The following NELL1 variants were observed in gnomAD, a reference collection of about 807,000 sequenced individuals.
NELL1 encodes protein kinase C-binding protein NELL1.
A neutral mutation model predicts 107.4 loss-of-function variants in NELL1; 76 were observed. That is an observed-to-expected ratio of 0.71 (90% CI 0.59 to 0.86). The LOEUF is 0.86. Ranked by LOEUF, NELL1 falls within the 40% of genes least tolerant of loss-of-function variation. The probability of loss-of-function intolerance (pLI) is 0.00; values close to 1 mark genes in which losing one functional copy is unlikely to be tolerated. For missense variants in NELL1, 1,024 were observed against 1,005.5 expected, an observed-to-expected ratio of 1.02 and a Z score of -0.25; for synonymous variants, 353 against 341.2, an observed-to-expected ratio of 1.03 and a Z score of -0.38.
At chr11:21,376,080 T>C (rs549886936) in intron 15 of NELL1, among the ~76,000 whole-genome samples, 1 of 152,188 alleles carries the variant, frequency 6.6e-6, no homozygotes, top group Admixed American at 6.6e-5. Flanking sequence ...TTTTTGTTTT[T>C]GTTGCAATTG....
chr11:21,405,328 G>A (rs1261133328), intron 15 of NELL1, among the ~76,000 whole-genome samples: 1 of 151,974 alleles, frequency 6.6e-6, no homozygotes. Context: ...GAATATAAGA[G>A]TATTTTGGCT....
At chr11:20,740,977 A>G (rs1416479007) in intron 2 of NELL1, among the ~76,000 whole-genome samples, 2 of 151,848 alleles carry the variant, frequency 1.3e-5, no homozygotes, top group African/African-American at 4.8e-5. Flanking sequence ...CTTTCTGCAG[A>G]TTTAACTTTT....
intron 11 of NELL1, among the ~76,000 whole-genome samples, chr11:20,959,124 T>C (rs976912319): frequency 5.3e-5 from 8 of 152,282 alleles, no homozygotes; most frequent in Admixed American, 2.6e-4. Flanking sequence ...GGCATTCACA[T>C]GGATGAATAG....
At chr11:20,927,161 A>C (rs1408533313) in intron 7 of NELL1, 147 bp from the exon 8 acceptor site, 2 of 682,250 alleles carry the variant, frequency 2.9e-6, no homozygotes, top group Non-Finnish European at 4.7e-6. Flanking sequence ...AATAAAAAAA[A>C]CAAAAAACAG....
At chr11:20,933,428 G>A (rs964491761) in intron 9 of NELL1, among the ~76,000 whole-genome samples, 3 of 152,158 alleles carry the variant, frequency 2.0e-5, no homozygotes, top group Non-Finnish European at 4.4e-5. Flanking sequence ...AGCAGTATGG[G>A]GAGCAATACA....
At chr11:21,398,915 C>T (rs1271328306) in intron 15 of NELL1, among the ~76,000 whole-genome samples, 1 of 151,658 alleles carries the variant, frequency 6.6e-6, no homozygotes, top group Non-Finnish European at 1.5e-5. Context: ...TTTCATAGAA[C>T]TAATTGAAAC....
chr11:21,456,209 G>A (rs907927049), intron 15 of NELL1, among the ~76,000 whole-genome samples: 1 of 151,764 alleles, frequency 6.6e-6, no homozygotes. Flanking sequence ...CTTTTGCTTG[G>A]GACTCAAATT....
At chr11:21,209,942 C>G (rs962650872) in intron 13 of NELL1, among the ~76,000 whole-genome samples, 2 of 152,118 alleles carry the variant, frequency 1.3e-5, no homozygotes, top group Admixed American at 6.6e-5. Context: ...TGCTTCTATA[C>G]ATATGCTTAT....
chr11:21,003,258 G>A lies in NELL1; in HGVS notation c.1300+42698G>A, dbSNP rs201693298. On this transcript the variant is annotated intron_variant, in intron 12 of 19. Transcript: ENST00000357134. ...TATAACTTCTTTTCTGAAAAAATGT[G>A]TTGTTTTTCCCATTTAGCTTAATGA... Among the ~76,000 whole-genome samples, 267 of 152,188 alleles carry A rather than the reference G, an allele frequency of 1.8e-3. 1 individual carries two copies. The highest frequency in any genetic ancestry group is 6.2e-3 in the African/African-American group (258 of 41,544).
At chr11:20,809,965 T>A (rs910919337) in intron 3 of NELL1, among the ~76,000 whole-genome samples, 8 of 152,216 alleles carry the variant, frequency 5.3e-5, no homozygotes, top group Non-Finnish European at 1.2e-4. Context: ...GCTGTACTAA[T>A]TTGCATTCCC....
chr11:20,885,647 G>A, intron 5 of NELL1, 107 bp downstream of exon 5: 3 of 705,070 alleles, frequency 4.3e-6, no homozygotes, highest in Non-Finnish European at 7.6e-6. Context: ...GAAGGGCATG[G>A]CATAATAGCT....
intron 12 of NELL1, among the ~76,000 whole-genome samples, chr11:20,978,319 C>G (rs1418732082): frequency 6.6e-6 from 1 of 152,122 alleles, no homozygotes; most frequent in Non-Finnish European, 1.5e-5. Flanking sequence ...CTAGGTATTA[C>G]TATTATTCCC....
intron 11 of NELL1, among the ~76,000 whole-genome samples, chr11:20,956,980 A>G (rs1385879388): frequency 1.3e-5 from 2 of 151,852 alleles, no homozygotes; most frequent in East Asian, 3.9e-4. Flanking sequence ...TGGAGATGGC[A>G]GTAAGGGGGA....
intron 13 of NELL1, among the ~76,000 whole-genome samples, chr11:21,187,489 G>A (rs955998570): frequency 6.6e-6 from 1 of 151,802 alleles, no homozygotes; most frequent in Non-Finnish European, 1.5e-5. Flanking sequence ...TAATGACATG[G>A]CCATTCTCAA....
intron 12 of NELL1, among the ~76,000 whole-genome samples, chr11:20,971,878 A>G (rs957832950): frequency 6.6e-6 from 1 of 152,148 alleles, no homozygotes; most frequent in Admixed American, 6.6e-5. Flanking sequence ...CTTTGCAGGG[A>G]CATGGATGAA....
chr11:21,529,103 A>G (rs1855932068), intron 15 of NELL1, among the ~76,000 whole-genome samples: 1 of 152,102 alleles, frequency 6.6e-6, no homozygotes. Context: ...TCACCTAAAT[A>G]GCCTATGACA....
At chr11:20,676,163 A>G (rs1171326392) in intron 1 of NELL1, among the ~76,000 whole-genome samples, 2 of 152,018 alleles carry the variant, frequency 1.3e-5, no homozygotes, top group Non-Finnish European at 1.5e-5. Flanking sequence ...CCTTCTCTGC[A>G]TGTGGAAAGC....
At chr11:20,969,005 G>A (rs907257945) in intron 12 of NELL1, among the ~76,000 whole-genome samples, 8 of 152,190 alleles carry the variant, frequency 5.3e-5, no homozygotes, top group African/African-American at 1.7e-4. Flanking sequence ...GATCTTGCCA[G>A]CTTTTCCAGT....
intron 10 of NELL1, among the ~76,000 whole-genome samples, chr11:20,946,681 T>C (rs908506357): frequency 2.0e-5 from 3 of 152,216 alleles, no homozygotes; most frequent in South Asian, 2.1e-4. Flanking sequence ...GGTGTCTTCA[T>C]AATTTCTCCC....
Sources: allele counts gnomAD v4.1 joint callset (sites outside exome capture counted in the v4.1 genomes callset), GRCh38; gene constraint gnomAD v4.1.1; transcripts MANE v1.5; gene names NCBI Gene and HGNC (gene_info 2026-07-23, HGNC 2026-07-21).